GRIK4: variants seen among roughly 807,000 people sequenced by gnomAD.
GRIK4 encodes glutamate receptor ionotropic, kainate 4.
A neutral mutation model predicts 104.9 loss-of-function variants in GRIK4; 40 were observed. That is an observed-to-expected ratio of 0.38 (90% confidence interval 0.30 to 0.50). The LOEUF is 0.50. GRIK4 is among the 20% of genes least tolerant of loss of function. The probability of loss-of-function intolerance (pLI) is 0.93; values close to 1 mark genes in which losing one functional copy is unlikely to be tolerated. For synonymous variants in GRIK4, 485 were observed against 524.9 expected (o/e 0.92, Z 1.04); for missense variants, 1,047 against 1,308.1 (o/e 0.80, Z 3.08).
At chr11:120,565,703 G>A (rs1296796211) in intron 1 of GRIK4, among the ~76,000 whole-genome samples, 1 of 152,220 alleles carries the variant, frequency 6.6e-6, no homozygotes, top group Non-Finnish European at 1.5e-5. Flanking sequence ...TAGAAATACA[G>A]GGTCTGGCTG....
At chr11:120,592,939 T>G (rs1948752492) in intron 1 of GRIK4, among the ~76,000 whole-genome samples, 2 of 152,168 alleles carry the variant, frequency 1.3e-5, no homozygotes, top group African/African-American at 2.4e-5. Flanking sequence ...TCCCAGCACT[T>G]TGGGAGGCCC....
chr11:120,795,222 G>C (rs991383802), intron 3 of GRIK4, among the ~76,000 whole-genome samples: 2 of 152,178 alleles, frequency 1.3e-5, no homozygotes, highest in African/African-American at 4.8e-5. Flanking sequence ...CTTCAGCAGC[G>C]AGGCTCTGGA....
rs1953040563 is a variant in GRIK4 at position 120,819,235 on chromosome 11, T to C, written c.346-520T>C. The stretch of plus-strand genomic sequence containing the variant: ...CCATCCCCGCCCCACTTCCTCTCCC[T>C]GGGCATTCCCCACTGAAGTTTGTTG... On this transcript the variant is annotated intron_variant, in intron 5 of 20. Transcript: ENST00000527524. The surrounding 1 kb of genome is among the most constrained non-coding windows in gnomAD (Gnocchi z 4.3). 6.6e-6 allele frequency among the ~76,000 whole-genome samples: 1 copy of C among 152,204 alleles called. No individual in the cohort carries two copies. Among genetic ancestry groups the C allele is most frequent in the Non-Finnish European group, 1.5e-5 (1 of 68,030 alleles).
intron 3 of GRIK4, among the ~76,000 whole-genome samples, chr11:120,682,916 G>A (rs1950220266): frequency 6.6e-6 from 1 of 151,988 alleles, no homozygotes; most frequent in Admixed American, 6.6e-5. Flanking sequence ...CCAAGTGTCT[G>A]CCTGGTGAAT....
intron 13 of GRIK4, among the ~76,000 whole-genome samples, chr11:120,921,811 C>T (rs1276245561): frequency 6.6e-6 from 1 of 152,218 alleles, no homozygotes; most frequent in Non-Finnish European, 1.5e-5. Context: ...ATTTTGTTCT[C>T]CAAGTTGCAG....
intron 16 of GRIK4, among the ~76,000 whole-genome samples, chr11:120,957,842 G>C (rs1265646832): frequency 6.6e-6 from 1 of 152,176 alleles, no homozygotes; most frequent in African/African-American, 2.4e-5. Flanking sequence ...AGGAGCCACT[G>C]GGCTGTTAGG....
intron 11 of GRIK4, among the ~76,000 whole-genome samples, chr11:120,894,105 T>C (rs539231571): frequency 1.1e-4 from 17 of 152,308 alleles, no homozygotes; most frequent in Admixed American, 2.0e-4. Flanking sequence ...CCTAATCAAC[T>C]AAAGCCCATA....
At chr11:120,636,268 C>T (rs1222079748) in intron 1 of GRIK4, among the ~76,000 whole-genome samples, 1 of 152,164 alleles carries the variant, frequency 6.6e-6, no homozygotes. Flanking sequence ...ATGTGCTGTT[C>T]TCCTGGGAAC....
chr11:120,947,275 G>A (rs945359659), intron 14 of GRIK4, among the ~76,000 whole-genome samples: 6 of 152,024 alleles, frequency 3.9e-5, no homozygotes, highest in Admixed American at 1.3e-4. Context: ...GGTGGCACAC[G>A]CCTGTAATCC....
chr11:120,638,027 C>G (rs1949421450), intron 1 of GRIK4, among the ~76,000 whole-genome samples: 1 of 151,916 alleles, frequency 6.6e-6, no homozygotes, highest in Admixed American at 6.6e-5. Flanking sequence ...TTACAGGCAC[C>G]CACCACCACA....
At chr11:120,950,587 T>TG (rs930094175) in intron 14 of GRIK4, among the ~76,000 whole-genome samples, 2 of 152,182 alleles carry the variant, frequency 1.3e-5, no homozygotes, top group South Asian at 4.2e-4. Flanking sequence ...CAGAGAAACT[T>TG]GGGGGTCAAA....
chr11:120,602,249 A>G (rs898525511), intron 1 of GRIK4, among the ~76,000 whole-genome samples: 1 of 152,196 alleles, frequency 6.6e-6, no homozygotes, highest in Non-Finnish European at 1.5e-5. Flanking sequence ...AATGATAAAA[A>G]GGTTGAAAAC....
chr11:120,984,399 G>A (rs1160812379), intron 20 of GRIK4, among the ~76,000 whole-genome samples: 1 of 152,120 alleles, frequency 6.6e-6, no homozygotes, highest in Non-Finnish European at 1.5e-5. Context: ...TCAATTTTTG[G>A]CAACATACAT....
intron 11 of GRIK4, among the ~76,000 whole-genome samples, chr11:120,885,929 G>T (rs1592038833): frequency 1.3e-5 from 2 of 152,184 alleles, no homozygotes; most frequent in South Asian, 4.1e-4. Flanking sequence ...AGCCAATGTG[G>T]TTTTATTCTC....
chr11:120,558,001 G>C (rs1296884443), intron 1 of GRIK4, among the ~76,000 whole-genome samples: 1 of 126,616 alleles, frequency 7.9e-6, no homozygotes, highest in East Asian at 2.5e-4. Flanking sequence ...CTGGGCGACA[G>C]AGCGAGACTC....
chr11:120,731,900 G>A (rs1230193837), intron 3 of GRIK4, among the ~76,000 whole-genome samples: 1 of 152,010 alleles, frequency 6.6e-6, no homozygotes, highest in African/African-American at 2.4e-5. Flanking sequence ...CAGTTGTAAT[G>A]TCTCCTTTTT....
chr11:120,562,797 T>C (rs1195371943), intron 1 of GRIK4, among the ~76,000 whole-genome samples: 2 of 152,098 alleles, frequency 1.3e-5, no homozygotes, highest in Non-Finnish European at 2.9e-5. Context: ...TTGGACTAAT[T>C]TGAGAGACTT....
At chr11:120,855,357 G>A (rs7342200) in intron 8 of GRIK4, among the ~76,000 whole-genome samples, 48,427 of 152,116 alleles carry the variant, frequency 0.32, 8,816 homozygotes, top group East Asian at 0.5. Context: ...GAACAGATGC[G>A]ATGTGAGGCA....
rs544573578 is a variant in GRIK4, at chr11:120,530,010, C to T, written c.-159+18123C>T. On this transcript the variant is annotated intron_variant, in intron 1 of 20. Coordinates refer to ENST00000527524, the MANE Select transcript of GRIK4 (RefSeq NM_014619.5). ...TCCACTTGCCCTTCCTTCCTGGTGG[C>T]TCAGTGGCCTGCTTAGGAGTAAGGG... 2.0e-5 allele frequency among the ~76,000 whole-genome samples: 3 copies of T among 152,318 alleles called. No individual in the cohort carries two copies. The Middle Eastern group carries it at 0.01, about 518-fold the overall frequency.
Sources: gnomAD v4.1 joint callset for allele counts (sites outside exome capture counted in the v4.1 genomes callset) on GRCh38, gnomAD v4.1.1 for gene constraint, Gnocchi (gnomAD v3.1) non-coding constraint, MANE v1.5 for transcripts, NCBI Gene and HGNC (gene_info 2026-07-23, HGNC 2026-07-21) for gene names.